Variants in ZBED4 observed in about 807,000 individuals in gnomAD.
ZBED4 encodes zinc finger BED domain-containing protein 4.
A neutral mutation model predicts 15.5 loss-of-function variants in ZBED4; 4 were observed. The observed-to-expected ratio is 0.26, with a 90% CI of 0.13 to 0.59. The LOEUF (loss-of-function observed/expected upper bound fraction) is 0.59. Ranked by LOEUF, ZBED4 falls within the 20% of genes least tolerant of loss-of-function variation. The pLI, the probability that ZBED4 is intolerant of heterozygous loss-of-function variation, is 0.90. For synonymous variants in ZBED4, 692 were observed against 608.5 expected (o/e 1.14, Z -2.02); for missense variants, 1,323 against 1,461.8 (o/e 0.91, Z 1.55).
chr22:49,875,026 A>G (rs368914444), intron 1 of ZBED4, among the ~76,000 whole-genome samples: 1 of 152,096 alleles, frequency 6.6e-6, no homozygotes, highest in East Asian at 1.9e-4. Context: ...TATTCCTGTG[A>G]TGAATCATGA....
rs1207093476 is a variant in ZBED4, at chr22:49,887,251, C to T, written c.*73C>T. The stretch of plus-strand genomic sequence containing the variant: ...AGCAGCCTGTACCAGGTCTATGACC[C>T]GCTCTGCCCACGGCTGTGTACGACA... On this transcript the variant is annotated 3_prime_UTR_variant, in exon 2 of 2. Coordinates refer to ENST00000216268, the MANE Select transcript of ZBED4 (RefSeq NM_014838.3). 2.2e-5 allele frequency: 32 copies of T among 1,483,374 alleles called. No homozygotes were observed. Among genetic ancestry groups the T allele is most frequent in the African/African-American group, 2.0e-4 (14 of 71,098 alleles). 91.9% of individuals were successfully genotyped at this position (1,483,374 alleles called of 1,614,324 possible). A position where few individuals can be genotyped will look rare whatever the true frequency, so the allele number is the denominator to read the frequency against.
chr22:49,877,585 G>A (rs967727207), intron 1 of ZBED4, among the ~76,000 whole-genome samples: 6 of 151,952 alleles, frequency 3.9e-5, no homozygotes, highest in Admixed American at 6.6e-5. Context: ...GAGCCACCAC[G>A]CCTGGCCTAA....
Position 49,884,852 on chromosome 22 carries a change from T to C in ZBED4, c.1190T>C (p.Leu397Ser). The C allele has an allele frequency of 6.2e-7, 1 of 1,610,538 alleles. No homozygotes were observed. ...SSSPDRLTED[L>S]QSHLNPGDGL... is the part of the protein sequence containing the mutation. Reference sequence around the variant, plus strand: ...TCCCCTGACAGGCTGACTGAGGACTTGCAGTCTCACTTGAACCCTGGAGAT... The same window carrying C: ...TCCCCTGACAGGCTGACTGAGGACTCGCAGTCTCACTTGAACCCTGGAGAT... Residue 397 changes from leucine to serine, a missense_variant, in exon 2 of 2, where the codon TTG (leucine) becomes TCG (serine). Transcript: ENST00000216268.
intron 1 of ZBED4, among the ~76,000 whole-genome samples, chr22:49,879,284 C>G (rs763509403): frequency 1.3e-5 from 2 of 151,428 alleles, no homozygotes; most frequent in African/African-American, 2.4e-5. Flanking sequence ...GCCACCACGC[C>G]GCGCTAATTT....
rs2060431502 is a variant in ZBED4, at chr22:49,885,213, T to G, written c.1551T>G (p.Gly517=). The G allele has an allele frequency of 6.2e-7, 1 of 1,613,626 alleles. No individual in the cohort carries two copies. The highest frequency in any genetic ancestry group is 2.2e-5 in the East Asian group (1 of 44,868). Residue 517 remains glycine, a synonymous_variant, in exon 2 of 2, where the codon GGT becomes GGG. Transcript: ENST00000216268. The stretch of plus-strand genomic sequence containing the variant: ...TCGGGAGCCAGAAGGGCTTCCTGGG[T>G]GCAAGTCTGGCAAACTCTCCGTATG... ...EVVGSQKGFL[G]ASLANSPYAT...
At chr22:49,879,155 A>G (rs1279513448) in intron 1 of ZBED4, among the ~76,000 whole-genome samples, 2 of 147,404 alleles carry the variant, frequency 1.4e-5, no homozygotes, top group Non-Finnish European at 3.0e-5. Context: ...AAAAAAAAAC[A>G]AAAAACAAAA....
At position 49,886,762 on chromosome 22, in the gene ZBED4, G is replaced by A. The variant is rs770330857; in HGVS notation, c.3100G>A (p.Glu1034Lys). ...QYKQDLIREL[E>K]LMNSTSEDVA... ...CAAACAGGATTTAATCAGGGAACTCGAACTCATGAATTCTACCTCAGAGGA... is the reference window on the plus strand; with the variant it reads ...CAAACAGGATTTAATCAGGGAACTCAAACTCATGAATTCTACCTCAGAGGA... The change falls in exon 2 of 2, where the codon GAA (glutamate) becomes AAA (lysine). Residue 1034 changes from glutamate to lysine, a missense_variant. Physicochemically the swap from Glu to Lys is moderately conservative, Grantham distance 56. Around this residue, in one of 6 missense-constraint regions of ZBED4, gnomAD observed 312 missense variants for 410.7 expected, o/e 0.76. Coordinates refer to ENST00000216268, the MANE Select transcript of ZBED4 (RefSeq NM_014838.3). The surrounding 1 kb of genome is among the most constrained non-coding windows in gnomAD (Gnocchi z 7.7). 115 of 1,612,310 alleles carry A rather than the reference G, an allele frequency of 7.1e-5. No homozygotes were observed. The highest frequency in any genetic ancestry group is 1.6e-4 in the Middle Eastern group (1 of 6,078).
At position 49,862,693 on chromosome 22, in the gene ZBED4, C is replaced by CTTTT. The variant is rs66520307; in HGVS notation, c.-330+8727_-330+8730dup. Reference sequence around the variant, plus strand: ...CCTCTAAATATTAGTTAAGTTTTTCCTTTTTTTTTTTTTTTTTTTTTTTTT... The same window carrying CTTTT: ...CCTCTAAATATTAGTTAAGTTTTTCCTTTTTTTTTTTTTTTTTTTTTTTTTTTTT... On this transcript the variant is annotated intron_variant, in intron 1 of 1. Coordinates refer to ENST00000216268, the MANE Select transcript of ZBED4 (RefSeq NM_014838.3). Among the ~76,000 whole-genome samples, 11 of 59,012 alleles carry CTTTT rather than the reference C, an allele frequency of 1.9e-4. 1 individual carries two copies. Among genetic ancestry groups the CTTTT allele is most frequent in the African/African-American group, 5.0e-4 (9 of 17,836 alleles). 38.7% of individuals were successfully genotyped at this position (59,012 alleles called of 152,430 possible). A position where few individuals can be genotyped will look rare whatever the true frequency, so the allele number is the denominator to read the frequency against.
intron 1 of ZBED4, 78 bp downstream of exon 1, chr22:49,854,067 C>T (rs1160427008): frequency 6.9e-6 from 1 of 144,108 alleles, no homozygotes; most frequent in Non-Finnish European, 1.5e-5. Flanking sequence ...CCGGGCCGGG[C>T]CGCGCCATTG....
chr22:49,873,715 C>T (rs113722289), intron 1 of ZBED4, among the ~76,000 whole-genome samples: 32 of 152,160 alleles, frequency 2.1e-4, no homozygotes, highest in Non-Finnish European at 1.2e-4. Flanking sequence ...ATTGGGTCTT[C>T]CCACCTCATC....
In ZBED4 at chr22:49,887,524, G is replaced by A. The variant is rs563421647; in HGVS notation, c.*346G>A. 83 of 206,530 alleles carry A rather than the reference G, an allele frequency of 4.0e-4. 1 individual carries two copies. Among genetic ancestry groups the A allele is most frequent in the African/African-American group, 1.9e-3 (80 of 43,056 alleles). 12.8% of individuals were successfully genotyped at this position (206,530 alleles called of 1,614,324 possible). On this transcript the variant is annotated 3_prime_UTR_variant, in exon 2 of 2. Coordinates refer to ENST00000216268, the MANE Select transcript of ZBED4 (RefSeq NM_014838.3). ...AGATGTAAACCATTTTATTCTGTAGGCTTTTTACTCAATTATGTACAAACC... is the reference window on the plus strand; with the variant it reads ...AGATGTAAACCATTTTATTCTGTAGACTTTTTACTCAATTATGTACAAACC...
intron 1 of ZBED4, among the ~76,000 whole-genome samples, chr22:49,855,943 C>T (rs985716421): frequency 1.3e-5 from 2 of 152,210 alleles, no homozygotes; most frequent in Admixed American, 6.5e-5. Flanking sequence ...GCCTTTAGCC[C>T]GTGACACCCC....
chr22:49,854,075 T>G (rs2060263991), intron 1 of ZBED4, 86 bp downstream of exon 1: 6 of 140,186 alleles, frequency 4.3e-5, no homozygotes, highest in South Asian at 4.6e-4. Flanking sequence ...GGCCGCGCCA[T>G]TGTCTGCGCC....
intron 1 of ZBED4, among the ~76,000 whole-genome samples, chr22:49,880,293 T>C (rs2060402110): frequency 6.6e-6 from 1 of 152,214 alleles, no homozygotes; most frequent in Non-Finnish European, 1.5e-5. Flanking sequence ...TGGCAGTTCT[T>C]TTCCCCTTTG....
chr22:49,881,681 AT>A (rs2060410444), intron 1 of ZBED4, among the ~76,000 whole-genome samples: 1 of 151,886 alleles, frequency 6.6e-6, no homozygotes, highest in African/African-American at 2.4e-5. Context: ...CATACTTGGC[AT>A]TTTTTGTTTG....
In ZBED4 at chr22:49,890,019, T is replaced by A. The variant is rs2060460104; in HGVS notation, c.*2841T>A. The A allele has an allele frequency of 6.0e-6, 1 of 167,034 alleles. No individual in the cohort carries two copies. The highest frequency in any genetic ancestry group is 6.5e-5 in the Admixed American group (1 of 15,280). 10.3% of individuals were successfully genotyped at this position (167,034 alleles called of 1,614,324 possible). A position where few individuals can be genotyped will look rare whatever the true frequency, so the allele number is the denominator to read the frequency against. ...CATTATACGAAGGGACTTTAAAAAA[T>A]TTGTGGAAATACTGAAGTAAAAGAT... On this transcript the variant is annotated 3_prime_UTR_variant, in exon 2 of 2. Transcript: ENST00000216268.
At chr22:49,871,753 A>T (rs1382839844) in intron 1 of ZBED4, among the ~76,000 whole-genome samples, 110 of 46,822 alleles carry the variant, frequency 2.3e-3, no homozygotes, top group Non-Finnish European at 5.4e-3. Context: ...TTATTTATTT[A>T]TTTATTTTTT....
chr22:49,866,667 C>T (rs569064779), intron 1 of ZBED4, among the ~76,000 whole-genome samples: 7 of 152,242 alleles, frequency 4.6e-5, no homozygotes, highest in Admixed American at 3.9e-4. Context: ...GAGCATATTT[C>T]GTTATCTGCA....
rs1299681024 is a variant in ZBED4, at chr22:49,886,430, G to T, written c.2768G>T (p.Ser923Ile). 6.3e-7 allele frequency: 1 copy of T among 1,587,340 alleles called. No homozygotes were observed. Among genetic ancestry groups the T allele is most frequent in the Non-Finnish European group, 8.6e-7 (1 of 1,163,466 alleles). Reference protein sequence around the residue: ...SVECNFRELISCDQWEVMQSV... With the variant: ...SVECNFRELIICDQWEVMQSV... ...GAGTGTAACTTCCGAGAGCTGATCAGCTGCGACCAGTGGGAGGTCATGCAG... is the reference window on the plus strand; with the variant it reads ...GAGTGTAACTTCCGAGAGCTGATCATCTGCGACCAGTGGGAGGTCATGCAG... The change falls in exon 2 of 2, where the codon AGC (serine) becomes ATC (isoleucine). Residue 923 changes from serine to isoleucine, a missense_variant. Around this residue, in one of 6 missense-constraint regions of ZBED4, gnomAD observed 312 missense variants for 410.7 expected, o/e 0.76. Transcript: ENST00000216268. The surrounding 1 kb of genome is among the most constrained non-coding windows in gnomAD (Gnocchi z 7.7).
Sources: allele counts gnomAD v4.1 joint callset (sites outside exome capture counted in the v4.1 genomes callset), GRCh38; gene constraint gnomAD v4.1.1; regional missense constraint gnomAD v4.1.1; non-coding constraint Gnocchi (gnomAD v3.1); transcripts MANE v1.5; gene names NCBI Gene and HGNC (gene_info 2026-07-23, HGNC 2026-07-21).